GFRA2: variants seen among roughly 807,000 people sequenced by gnomAD.
The protein encoded by GFRA2 is GDNF family receptor alpha-2.
GFRA2 carries 17 observed loss-of-function variants against 48.3 expected under a neutral mutation model. The observed-to-expected ratio is 0.35, with a 90% CI of 0.24 to 0.53. GFRA2 has a LOEUF of 0.53. GFRA2 is among the 20% of genes least tolerant of loss of function. GFRA2 has a pLI of 0.93. For missense variants in GFRA2, 660 were observed against 637.3 expected, an observed-to-expected ratio of 1.04 and a Z score of -0.38; for synonymous variants, 305 against 257.2, an observed-to-expected ratio of 1.19 and a Z score of -1.78.
chr8:21,759,838 A>C (rs1247607282), intron 3 of GFRA2, among the ~76,000 whole-genome samples: 9 of 149,356 alleles, frequency 6.0e-5, no homozygotes, highest in African/African-American at 2.0e-4. Flanking sequence ...GCTGTGAGTC[A>C]GGATCGCACC....
At chr8:21,795,103 C>T (rs1177573686) in intron 2 of GFRA2, among the ~76,000 whole-genome samples, 1 of 152,186 alleles carries the variant, frequency 6.6e-6, no homozygotes, top group African/African-American at 2.4e-5. Context: ...CCCAGGGTAG[C>T]CCATTAGAGA....
chr8:21,770,203 A>T (rs1436207707), intron 3 of GFRA2, among the ~76,000 whole-genome samples: 2 of 152,198 alleles, frequency 1.3e-5, no homozygotes, highest in African/African-American at 4.8e-5. Flanking sequence ...GTGGCCTCGA[A>T]TCAGCAAAGG....
At chr8:21,705,152 G>T in intron 5 of GFRA2, 27 bp from the exon 6 acceptor site, 1 of 1,597,002 alleles carries the variant, frequency 6.3e-7, no homozygotes, top group Non-Finnish European at 8.5e-7. Flanking sequence ...GTGGGGGAGA[G>T]GAGAGAGGTA....
upstream of GFRA2, among the ~76,000 whole-genome samples, chr8:21,792,766 T>C (rs1807597978): frequency 6.6e-6 from 1 of 152,092 alleles, no homozygotes; most frequent in African/African-American, 2.4e-5. Flanking sequence ...AGCACAGTGA[T>C]TAGAAAGTTC....
intron 4 of GFRA2, among the ~76,000 whole-genome samples, chr8:21,741,599 C>A (rs563895197): frequency 7.2e-5 from 11 of 152,220 alleles, no homozygotes; most frequent in Admixed American, 5.9e-4. Context: ...TGGTGCCTGG[C>A]ACAGAGTGGG....
At chr8:21,777,313 G>C (rs1474368800) in intron 2 of GFRA2, among the ~76,000 whole-genome samples, 8 of 151,396 alleles carry the variant, frequency 5.3e-5, no homozygotes, top group African/African-American at 1.7e-4. Context: ...GCCAGATGGT[G>C]CCCCGGGGTG....
Position 21,775,016 on chromosome 8 carries a change from G to T in GFRA2, c.395C>A (p.Thr132Asn). 6.2e-7 allele frequency: 1 copy of T among 1,606,274 alleles called. No homozygotes were observed. Among genetic ancestry groups the T allele is most frequent in the Non-Finnish European group, 8.5e-7 (1 of 1,173,098 alleles). ...CCTGAAGATGTCCGAGAGGCGGGAG[G>T]TCACCGGCTCATAGGGGGAGGCTTC... is the stretch of plus-strand genomic sequence containing the variant. The part of the protein sequence containing the change: ...FYEASPYEPV[T>N]SRLSDIFRLA... Residue 132 changes from threonine to asparagine, a missense_variant, in exon 3 of 9, where the codon ACC becomes AAC. Thr to Asn is a moderately conservative substitution (Grantham distance 65, BLOSUM62 0). Transcript: ENST00000524240.
chr8:21,803,645 T>A (rs1349671346), intron 2 of GFRA2, among the ~76,000 whole-genome samples: 1 of 152,182 alleles, frequency 6.6e-6, no homozygotes, highest in African/African-American at 2.4e-5. Context: ...AACTTTTTCT[T>A]TTGAAGAGAC....
chr8:21,753,590 G>A (rs1316792658), intron 3 of GFRA2, among the ~76,000 whole-genome samples: 1 of 151,552 alleles, frequency 6.6e-6, no homozygotes, highest in Non-Finnish European at 1.5e-5. Context: ...TTGCACACCA[G>A]AGTGGGCAAC....
intron 4 of GFRA2, among the ~76,000 whole-genome samples, chr8:21,739,203 G>C (rs1003420687): frequency 1.3e-5 from 2 of 152,138 alleles, no homozygotes; most frequent in Non-Finnish European, 2.9e-5. Context: ...AGAGCAAATA[G>C]CTCACTGCTC....
At chr8:21,694,311 C>A (rs944906659) in intron 8 of GFRA2, among the ~76,000 whole-genome samples, 153 bp downstream of exon 8, 1 of 151,870 alleles carries the variant, frequency 6.6e-6, no homozygotes, top group Non-Finnish European at 1.5e-5. Context: ...CCACCCCACC[C>A]CAGCAGAGTA....
chr8:21,729,556 T>C (rs963755410), intron 4 of GFRA2, among the ~76,000 whole-genome samples: 1 of 152,110 alleles, frequency 6.6e-6, no homozygotes, highest in Non-Finnish European at 1.5e-5. Context: ...CAGAGAAAAC[T>C]GGGCTTCACT....
chr8:21,766,591 T>C (rs1332601324), intron 3 of GFRA2, among the ~76,000 whole-genome samples: 1 of 151,426 alleles, frequency 6.6e-6, no homozygotes, highest in East Asian at 2.0e-4. Context: ...CTGTTACTGA[T>C]CAGGCAAAGA....
chr8:21,753,664 A>C (rs779312063), intron 3 of GFRA2, among the ~76,000 whole-genome samples: 1 of 152,234 alleles, frequency 6.6e-6, no homozygotes, highest in Non-Finnish European at 1.5e-5. Flanking sequence ...AATGTAAAGT[A>C]TCTCATAAAT....
intron 4 of GFRA2, among the ~76,000 whole-genome samples, chr8:21,729,038 A>C (rs1804041573): frequency 6.6e-6 from 1 of 152,210 alleles, no homozygotes; most frequent in South Asian, 2.1e-4. Flanking sequence ...TCAAGACCAG[A>C]GCAGGACGGG....
intron 3 of GFRA2, among the ~76,000 whole-genome samples, chr8:21,751,343 G>A (rs979583291): frequency 6.6e-6 from 1 of 152,182 alleles, no homozygotes; most frequent in African/African-American, 2.4e-5. Context: ...CCCACCAGCA[G>A]GACACTGGCA....
Position 21,694,520 on chromosome 8 carries a change from G to A in GFRA2, c.1219-3C>T, listed in dbSNP as rs766770459. The A allele has an allele frequency of 1.2e-6, 2 of 1,609,608 alleles. No individual in the cohort carries two copies. The highest frequency in any genetic ancestry group is 1.7e-4 in the Middle Eastern group (1 of 6,058). ...TTGTTGGCCTTCAGCCCCTGCTCCT[G>A]CGAGAGAGAAGGTGCCAGTCAGGAC... On this transcript the variant is annotated splice_region_variant and splice_polypyrimidine_tract_variant and intron_variant, in intron 7 of 8. Coordinates refer to ENST00000524240, the MANE Select transcript of GFRA2 (RefSeq NM_001495.5).
In GFRA2 at chr8:21,716,136, A is replaced by G. The variant is rs371704418; in HGVS notation, c.795-10095T>C. On this transcript the variant is annotated intron_variant, in intron 4 of 8. Transcript: ENST00000524240. ...TCAAGAGTTCAAGACCAGCCTGGCC[A>G]ACATGGCAAAACTCTGTCTCTACTG... Among the ~76,000 whole-genome samples, 270 of 152,238 alleles carry G rather than the reference A, an allele frequency of 1.8e-3. 1 individual carries two copies. Among genetic ancestry groups the G allele is most frequent in the African/African-American group, 6.2e-3 (257 of 41,540 alleles).
intron 4 of GFRA2, among the ~76,000 whole-genome samples, chr8:21,741,932 A>AAG (rs1804765801): frequency 6.7e-6 from 1 of 148,752 alleles, no homozygotes; most frequent in African/African-American, 2.6e-5. Context: ...AAAAAAAAAA[A>AAG]AAAGAAAGAA....
Sources: allele counts gnomAD v4.1 joint callset (sites outside exome capture counted in the v4.1 genomes callset), GRCh38; gene constraint gnomAD v4.1.1; transcripts MANE v1.5; gene names NCBI Gene and HGNC (gene_info 2026-07-23, HGNC 2026-07-21).